Variants in SLC39A11 observed in about 807,000 individuals in gnomAD.
SLC39A11 encodes the protein zinc transporter ZIP11.
Under a neutral mutation model 36.1 loss-of-function variants are expected in SLC39A11, and 33 were observed. That is an observed-to-expected ratio of 0.91 (90% confidence interval 0.69 to 1.22). The LOEUF (loss-of-function observed/expected upper bound fraction) is 1.22. Among genes scored for constraint, SLC39A11 ranks in the 50% most tolerant of loss-of-function variants. SLC39A11 has a pLI of 0.00. For missense variants in SLC39A11, 432 were observed against 430.3 expected (o/e 1.00, Z -0.03); for synonymous variants, 166 against 170.3 (o/e 0.97, Z 0.20).
chr17:72,866,897 A>G (rs1455479135), intron 5 of SLC39A11, among the ~76,000 whole-genome samples: 1 of 152,246 alleles, frequency 6.6e-6, no homozygotes, highest in Non-Finnish European at 1.5e-5. Context: ...AATCCCCCAT[A>G]GATTCTAAGT....
intron 6 of SLC39A11, among the ~76,000 whole-genome samples, chr17:72,848,770 A>C (rs1303181167): frequency 6.6e-6 from 1 of 152,064 alleles, no homozygotes; most frequent in East Asian, 1.9e-4. Flanking sequence ...CTAAATAGGA[A>C]AGGATTGGTA....
At chr17:72,734,591 C>T (rs1008828627) in intron 7 of SLC39A11, among the ~76,000 whole-genome samples, 20 of 152,264 alleles carry the variant, frequency 1.3e-4, no homozygotes, top group African/African-American at 4.1e-4. Flanking sequence ...CTGTTTGGTC[C>T]GGGGAAGGGA....
chr17:72,868,480 C>G (rs1207593597), intron 5 of SLC39A11, among the ~76,000 whole-genome samples: 1 of 151,920 alleles, frequency 6.6e-6, no homozygotes, highest in Non-Finnish European at 1.5e-5. Flanking sequence ...AAAAATGTGT[C>G]TACGGAAAAT....
intron 4 of SLC39A11, among the ~76,000 whole-genome samples, chr17:72,994,852 A>G (rs1177499831): frequency 6.6e-6 from 1 of 152,214 alleles, no homozygotes; most frequent in Non-Finnish European, 1.5e-5. Flanking sequence ...CATGCTTTGA[A>G]TATATTATAT....
chr17:72,973,325 A>G (rs915077541), intron 4 of SLC39A11, among the ~76,000 whole-genome samples: 1 of 149,424 alleles, frequency 6.7e-6, no homozygotes, highest in African/African-American at 2.5e-5. Flanking sequence ...CCGGGGGGGC[A>G]CCAGGCTACT....
At chr17:72,819,303 C>A (rs888681414) in intron 6 of SLC39A11, among the ~76,000 whole-genome samples, 3 of 151,284 alleles carry the variant, frequency 2.0e-5, no homozygotes, top group African/African-American at 7.2e-5. Context: ...AAGCCATCTG[C>A]AAACCAAGGA....
chr17:72,736,827 A>C (rs188383299), intron 6 of SLC39A11, 108 bp from the exon 7 acceptor site: 73 of 936,066 alleles, frequency 7.8e-5, no homozygotes, highest in Non-Finnish European at 1.2e-4. Context: ...TGCCAGTCAA[A>C]GAAAATCATC....
intron 7 of SLC39A11, among the ~76,000 whole-genome samples, chr17:72,656,950 T>C (rs2070155398): frequency 6.6e-6 from 1 of 151,742 alleles, no homozygotes; most frequent in South Asian, 2.1e-4. Context: ...TTGACCAGCC[T>C]GGGCAACATA....
chr17:73,045,386 TAAAAAAAA>T (rs374832995), intron 3 of SLC39A11, among the ~76,000 whole-genome samples: 9 of 41,726 alleles, frequency 2.2e-4, no homozygotes, highest in South Asian at 2.1e-3. Context: ...AAAACAGAGT[TAAAAAAAA>T]AAAAAAAAAA....
At chr17:72,818,348 C>A (rs2077653004) in intron 6 of SLC39A11, among the ~76,000 whole-genome samples, 1 of 152,128 alleles carries the variant, frequency 6.6e-6, no homozygotes, top group Non-Finnish European at 1.5e-5. Flanking sequence ...TCTTGTAGCT[C>A]CTTGGACACC....
chr17:73,080,220 T>C (rs776233117), intron 3 of SLC39A11, among the ~76,000 whole-genome samples: 3 of 152,154 alleles, frequency 2.0e-5, no homozygotes, highest in Non-Finnish European at 4.4e-5. Flanking sequence ...GGCATCACAC[T>C]ACCCAACTTG....
At chr17:72,993,404 C>T (rs534696104) in intron 4 of SLC39A11, among the ~76,000 whole-genome samples, 1 of 152,276 alleles carries the variant, frequency 6.6e-6, no homozygotes, top group African/African-American at 2.4e-5. Context: ...GGAGTTGAAA[C>T]CCACAATCTG....
At chr17:72,656,891 C>G (rs1439928234) in intron 7 of SLC39A11, among the ~76,000 whole-genome samples, 2 of 151,980 alleles carry the variant, frequency 1.3e-5, no homozygotes, top group Non-Finnish European at 2.9e-5. Context: ...CACCTGTAAT[C>G]CCGGCACTTT....
rs1308469660 is a variant in SLC39A11 at position 72,763,110 on chromosome 17, CAG to C, written c.602-26393_602-26392del. ...ACCTGACCACAACCTTAAAGCACAT[CAG>C]ACTCTCCTGGGACAGGAGAAGCTCC... is the stretch of plus-strand genomic sequence containing the variant. On this transcript the variant is annotated intron_variant, in intron 6 of 9. Coordinates refer to ENST00000255559, the MANE Select transcript of SLC39A11 (RefSeq NM_139177.4). Among the ~76,000 whole-genome samples the C allele has an allele frequency of 2.6e-5, 4 of 152,294 alleles. No homozygotes were observed. The East Asian group carries it at 7.7e-4, about 29-fold the overall frequency.
At chr17:73,025,682 G>A (rs1364380994) in intron 4 of SLC39A11, among the ~76,000 whole-genome samples, 1 of 152,218 alleles carries the variant, frequency 6.6e-6, no homozygotes, top group Non-Finnish European at 1.5e-5. Context: ...AATAGAGTCA[G>A]AAGAAAAGAA....
chr17:73,069,559 C>T (rs1278458795), intron 3 of SLC39A11, among the ~76,000 whole-genome samples: 1 of 152,218 alleles, frequency 6.6e-6, no homozygotes, highest in Non-Finnish European at 1.5e-5. Context: ...CTTGACAAAG[C>T]TTTGATTACT....
rs1235526393 is a variant in SLC39A11, at chr17:72,985,409, T to TTTTTA, written c.307-37535_307-37534insTAAAA. Among the ~76,000 whole-genome samples, 656 of 131,816 alleles carry TTTTTA rather than the reference T, an allele frequency of 5.0e-3. 33 individuals are homozygous for TTTTTA. Among genetic ancestry groups the TTTTTA allele is most frequent in the Admixed American group, 0.048 (631 of 13,062 alleles). The allele number at this position is 131,816 out of a possible 152,430, so 86.5% of individuals were successfully genotyped here. A position where few individuals can be genotyped will look rare whatever the true frequency, so the allele number is the denominator to read the frequency against. On this transcript the variant is annotated intron_variant, in intron 4 of 9. Coordinates refer to ENST00000255559, the MANE Select transcript of SLC39A11 (RefSeq NM_139177.4). ...TTCTTTATTTGCATGGGGCCTGCCT[T>TTTTTA]TTTTTTTTTTTTTTTTTTTTTGAGA...
intron 2 of SLC39A11, among the ~76,000 whole-genome samples, chr17:73,087,079 C>CA (rs1396662496): frequency 6.6e-6 from 1 of 151,562 alleles, no homozygotes; most frequent in African/African-American, 2.4e-5. Context: ...CAAACAAAAA[C>CA]AAAAAACCCT....
intron 4 of SLC39A11, among the ~76,000 whole-genome samples, chr17:72,951,271 A>AAAAAAAAAAG (rs2085845504): frequency 6.6e-6 from 1 of 151,722 alleles, no homozygotes; most frequent in Non-Finnish European, 1.5e-5. Context: ...CAAAAAAAAA[A>AAAAAAAAAAG]AAAAAAAGCC....
Sources: gnomAD v4.1 joint callset for allele counts (sites outside exome capture counted in the v4.1 genomes callset) on GRCh38, gnomAD v4.1.1 for gene constraint, MANE v1.5 for transcripts, NCBI Gene and HGNC (gene_info 2026-07-23, HGNC 2026-07-21) for gene names.